The following GMEB1 variants were observed in gnomAD, a reference collection of about 807,000 sequenced individuals.
The protein encoded by GMEB1 is glucocorticoid modulatory element-binding protein 1.
Under a neutral mutation model 52.4 loss-of-function variants are expected in GMEB1, and 6 were observed. The observed-to-expected ratio is 0.11, with a 90% CI of 0.06 to 0.23. GMEB1 has a LOEUF of 0.23. Ranked by LOEUF, GMEB1 falls within the 10% of genes least tolerant of loss-of-function variation. GMEB1 has a pLI of 1.00. For synonymous variants in GMEB1, 255 were observed against 244.9 expected (o/e 1.04, Z -0.38); for missense variants, 486 against 685.6 (o/e 0.71, Z 3.25).
At chr1:28,672,736 CTTTTTTTTT>C (rs540343527) in intron 1 of GMEB1, among the ~76,000 whole-genome samples, 1 of 119,728 alleles carries the variant, frequency 8.4e-6, no homozygotes, top group Non-Finnish European at 1.7e-5. Context: ...CATATTGTTC[CTTTTTTTTT>C]TTTTTTTTTT....
intron 8 of GMEB1, among the ~76,000 whole-genome samples, chr1:28,704,860 G>A (rs1670673920): frequency 6.6e-6 from 1 of 151,684 alleles, no homozygotes; most frequent in Non-Finnish European, 1.5e-5. Context: ...CCCCCGCCTC[G>A]GCCTCCCAAA....
chr1:28,686,286 A>G (rs1168779623), intron 2 of GMEB1, among the ~76,000 whole-genome samples: 2 of 152,056 alleles, frequency 1.3e-5, no homozygotes, highest in Non-Finnish European at 2.9e-5. Context: ...GGCTGCAGTG[A>G]GCTGTGATCA....
chr1:28,690,607 T>G (rs1172835277), intron 3 of GMEB1, among the ~76,000 whole-genome samples: 1 of 152,178 alleles, frequency 6.6e-6, no homozygotes. Context: ...TCTCTAAATG[T>G]GTCCTTGGGA....
rs556878402 is a variant in GMEB1 at position 28,713,020 on chromosome 1, C to T, written c.992-1053C>T. Among the ~76,000 whole-genome samples, 232 of 149,770 alleles carry T rather than the reference C, an allele frequency of 1.5e-3. 1 individual carries two copies. The highest frequency in any genetic ancestry group is 3.6e-3 in the Middle Eastern group (1 of 276). On this transcript the variant is annotated intron_variant, in intron 9 of 9. Coordinates refer to ENST00000373816, the MANE Select transcript of GMEB1 (RefSeq NM_001319674.2). ...CAAAAAAAAAAACATTAGCCAGGCGCGGTGGCGGGCGCCTGTAGTCCCAGC... is the reference window on the plus strand; with the variant it reads ...CAAAAAAAAAAACATTAGCCAGGCGTGGTGGCGGGCGCCTGTAGTCCCAGC...
intron 8 of GMEB1, among the ~76,000 whole-genome samples, chr1:28,709,320 TAATAAA>T (rs1670937186): frequency 6.6e-6 from 1 of 151,552 alleles, no homozygotes; most frequent in Non-Finnish European, 1.5e-5. Flanking sequence ...AAGAAAAAAA[TAATAAA>T]AATAATAATC....
In GMEB1 at chr1:28,706,882, G is replaced by A. The variant is rs547570701; in HGVS notation, c.868+2553G>A. On this transcript the variant is annotated intron_variant, in intron 8 of 9. Coordinates refer to ENST00000373816, the MANE Select transcript of GMEB1 (RefSeq NM_001319674.2). The stretch of plus-strand genomic sequence containing the variant: ...GGGTTTCACCATGTTGGCCAGGCTC[G>A]TCCTGAATTCCTGACCTCCGGTAAT... 5.3e-5 allele frequency among the ~76,000 whole-genome samples: 8 copies of A among 150,674 alleles called. No homozygotes were observed. In the East Asian group the frequency reaches 5.9e-4, roughly 11 times the overall value.
intron 1 of GMEB1, among the ~76,000 whole-genome samples, chr1:28,671,537 C>G (rs1668884378): frequency 6.6e-6 from 1 of 152,040 alleles, no homozygotes; most frequent in African/African-American, 2.4e-5. Flanking sequence ...AGCTCGAGTT[C>G]CAGACCAGCT....
intron 1 of GMEB1, among the ~76,000 whole-genome samples, chr1:28,676,730 AAAAT>A (rs113150728): frequency 2.0e-5 from 3 of 151,432 alleles, no homozygotes; most frequent in African/African-American, 7.3e-5. Context: ...GTCTCAAAAA[AAAAT>A]AAATAAATAA....
At chr1:28,677,213 C>G (rs1669189904) in intron 1 of GMEB1, among the ~76,000 whole-genome samples, 1 of 151,552 alleles carries the variant, frequency 6.6e-6, no homozygotes, top group East Asian at 1.9e-4. Flanking sequence ...TGAGGCACTT[C>G]TGATCTCAAG....
At chr1:28,695,768 C>G (rs1243416264) in intron 5 of GMEB1, among the ~76,000 whole-genome samples, 1 of 144,526 alleles carries the variant, frequency 6.9e-6, no homozygotes, top group Non-Finnish European at 1.5e-5. Flanking sequence ...GAAACCCCGT[C>G]TCTACTAAAA....
chr1:28,690,078 T>G, intron 2 of GMEB1, 26 bp from the exon 3 acceptor site: 1 of 1,547,798 alleles, frequency 6.5e-7, no homozygotes. Flanking sequence ...ATGTAGTTTG[T>G]TTATCGATGG....
intron 6 of GMEB1, among the ~76,000 whole-genome samples, chr1:28,701,513 C>A (rs1369912848): frequency 6.6e-6 from 1 of 152,074 alleles, no homozygotes. Flanking sequence ...CGTGATCCGC[C>A]CACCTCGGCC....
intron 1 of GMEB1, among the ~76,000 whole-genome samples, chr1:28,677,440 G>A (rs960949634): frequency 2.6e-5 from 4 of 152,046 alleles, no homozygotes; most frequent in African/African-American, 7.2e-5. Context: ...TTTGCGATCC[G>A]CCTGCCTTGG....
At position 28,710,649 on chromosome 1, in the gene GMEB1, A is replaced by AATCC; in HGVS notation, c.991+7_991+8insATCC. 6.4e-7 allele frequency: 1 copy of AATCC among 1,551,872 alleles called. No individual in the cohort carries two copies. Among genetic ancestry groups the AATCC allele is most frequent in the Non-Finnish European group, 8.7e-7 (1 of 1,150,406 alleles). On this transcript the variant is annotated splice_region_variant and intron_variant, in intron 9 of 9. Transcript: ENST00000373816. Reference sequence around the variant, plus strand: ...TTTCTCTATACTCTGACAGGTATGTATAAGTTATCGCTCTTCTTCGGTGAT... The same window carrying AATCC: ...TTTCTCTATACTCTGACAGGTATGTAATCCTAAGTTATCGCTCTTCTTCGGTGAT...
chr1:28,707,854 G>T (rs1670853331), intron 8 of GMEB1, among the ~76,000 whole-genome samples: 1 of 152,050 alleles, frequency 6.6e-6, no homozygotes, highest in Non-Finnish European at 1.5e-5. Context: ...AGGGAATGTA[G>T]GTGAGGTTGT....
chr1:28,685,219 T>A (rs1016794341), intron 2 of GMEB1, among the ~76,000 whole-genome samples: 1 of 151,982 alleles, frequency 6.6e-6, no homozygotes, highest in Non-Finnish European at 1.5e-5. Flanking sequence ...TCTTTTTTTT[T>A]TTTTCGTTGA....
intron 6 of GMEB1, 111 bp downstream of exon 6, chr1:28,697,195 A>ATG (rs1670260377): frequency 6.4e-6 from 1 of 155,104 alleles, no homozygotes; most frequent in Non-Finnish European, 1.3e-5. Flanking sequence ...ATATATATAT[A>ATG]TATATGTATT....
rs549798678 is a variant in GMEB1, at chr1:28,686,336, G to A, written c.128+2596G>A. ...AACCTGAGCAACAGAGTAAGACCGTGTGTCAAAAAAACAAAAAAAAGGCCG... is the reference window on the plus strand; with the variant it reads ...AACCTGAGCAACAGAGTAAGACCGTATGTCAAAAAAACAAAAAAAAGGCCG... On this transcript the variant is annotated intron_variant, in intron 2 of 9. Coordinates refer to ENST00000373816, the MANE Select transcript of GMEB1 (RefSeq NM_001319674.2). 2.0e-5 allele frequency among the ~76,000 whole-genome samples: 3 copies of A among 151,694 alleles called. No homozygotes were observed. In the East Asian group the frequency reaches 5.8e-4, roughly 30 times the overall value.
chr1:28,714,817 T>A lies in GMEB1; in HGVS notation c.*44T>A. On this transcript the variant is annotated 3_prime_UTR_variant, in exon 10 of 10. Transcript: ENST00000373816. ...GGAGTTATGTTTTGATTTGGAATTT[T>A]AATTATTTGTTTATTTTTATCATTG... 1 of 1,306,290 alleles carries A rather than the reference T, an allele frequency of 7.7e-7. No individual in the cohort carries two copies. The highest frequency in any genetic ancestry group is 1.1e-6 in the Non-Finnish European group (1 of 926,426). 80.9% of individuals were successfully genotyped at this position (1,306,290 alleles called of 1,614,324 possible). A position where few individuals can be genotyped will look rare whatever the true frequency, so the allele number is the denominator to read the frequency against.
Sources: gnomAD v4.1 joint callset for allele counts (sites outside exome capture counted in the v4.1 genomes callset) on GRCh38, gnomAD v4.1.1 for gene constraint, MANE v1.5 for transcripts, NCBI Gene and HGNC (gene_info 2026-07-23, HGNC 2026-07-21) for gene names.